ASAP2: variants seen among roughly 807,000 people sequenced by gnomAD.
ASAP2 encodes ArfGAP with SH3 domain, ankyrin repeat and PH domain 2.
Under a neutral mutation model 131.4 loss-of-function variants are expected in ASAP2, and 45 were observed. That is an observed-to-expected ratio of 0.34 (90% CI 0.27 to 0.44). The LOEUF (loss-of-function observed/expected upper bound fraction) is 0.44, where lower values mean the gene tolerates loss of function less well. ASAP2 is among the 20% of genes least tolerant of loss of function. The pLI is 1.00. For synonymous variants in ASAP2, 510 were observed against 503.0 expected, an observed-to-expected ratio of 1.01 and a Z score of -0.19; for missense variants, 1,011 against 1,297.0, an observed-to-expected ratio of 0.78 and a Z score of 3.39.
intron 15 of ASAP2, among the ~76,000 whole-genome samples, chr2:9,365,814 G>A (rs1673428652): frequency 1.3e-5 from 2 of 152,212 alleles, no homozygotes; most frequent in Admixed American, 1.3e-4. Context: ...CATAGAGCAG[G>A]AGGGTGCCTC....
intron 11 of ASAP2, among the ~76,000 whole-genome samples, chr2:9,345,415 T>C (rs1257435401): frequency 2.0e-5 from 3 of 152,132 alleles, no homozygotes; most frequent in African/African-American, 7.2e-5. Flanking sequence ...AGGATAAAGT[T>C]CCTTACCAAT....
chr2:9,362,203 G>C (rs890618021), intron 15 of ASAP2, among the ~76,000 whole-genome samples: 1 of 152,152 alleles, frequency 6.6e-6, no homozygotes, highest in Non-Finnish European at 1.5e-5. Context: ...ATGCCATGCA[G>C]GGCCTCGGCT....
chr2:9,379,003 C>G lies in ASAP2; in HGVS notation c.1892C>G (p.Thr631Ser), dbSNP rs1674619975. ...ACAGCCCTGCACTACTGCTGCCTGA[C>G]CGACAATGCCGAGTGCCTCAAGTTG... is the stretch of plus-strand genomic sequence containing the variant. ...GSTALHYCCL[T>S]DNAECLKLLL... is the part of the protein sequence containing the mutation. The change falls in exon 19 of 28, where the codon ACC becomes AGC. Residue 631 changes from threonine to serine, a missense_variant. Physicochemically the swap from Thr to Ser is moderately conservative, Grantham distance 58 (BLOSUM62 1). This residue lies in a region of ASAP2 where 652 missense variants were observed against 698.9 expected (regional missense o/e 0.93). Transcript: ENST00000281419. 1 of 1,574,438 alleles carries G rather than the reference C, an allele frequency of 6.4e-7. No individual in the cohort carries two copies. Among genetic ancestry groups the G allele is most frequent in the Admixed American group, 1.8e-5 (1 of 55,400 alleles).
Position 9,217,067 on chromosome 2 carries a change from C to T in ASAP2, c.126+9837C>T, listed in dbSNP as rs1414607746. On this transcript the variant is annotated intron_variant, in intron 1 of 27. Coordinates refer to ENST00000281419, the MANE Select transcript of ASAP2 (RefSeq NM_003887.3). The surrounding 1 kb of genome is among the most constrained non-coding windows in gnomAD (Gnocchi z 4.0). The stretch of plus-strand genomic sequence containing the variant: ...TCATGGAGCTTGGAGGTGATGAAGC[C>T]AGGATTCATTCAAATCAAGCATTTT... Among the ~76,000 whole-genome samples the T allele has an allele frequency of 3.3e-5, 5 of 152,186 alleles. No individual in the cohort carries two copies. Among genetic ancestry groups the T allele is most frequent in the African/African-American group, 4.8e-5 (2 of 41,532 alleles).
chr2:9,247,906 A>G (rs897049639), intron 1 of ASAP2, among the ~76,000 whole-genome samples: 2 of 152,098 alleles, frequency 1.3e-5, no homozygotes, highest in Non-Finnish European at 2.9e-5. Flanking sequence ...TGCCCCCCAC[A>G]CTGATAACCT....
At chr2:9,279,047 CAGCTTGCAT>C (rs1666946680) in intron 1 of ASAP2, among the ~76,000 whole-genome samples, 2 of 151,326 alleles carry the variant, frequency 1.3e-5, no homozygotes, top group Admixed American at 1.3e-4. Flanking sequence ...GGGCAGGAGA[CAGCTTGCAT>C]GCTGCAGGAG....
At chr2:9,325,255 C>G (rs1325086510) in intron 6 of ASAP2, among the ~76,000 whole-genome samples, 1 of 152,170 alleles carries the variant, frequency 6.6e-6, no homozygotes, top group Non-Finnish European at 1.5e-5. Context: ...CCTTCCTGGC[C>G]TACCTCATAG....
chr2:9,293,953 G>A (rs547447733), intron 2 of ASAP2, among the ~76,000 whole-genome samples: 1 of 152,052 alleles, frequency 6.6e-6, no homozygotes, highest in South Asian at 2.1e-4. Context: ...CCTTGGGGTT[G>A]CTGGGGATCA....
At chr2:9,254,618 C>A (rs1665030161) in intron 1 of ASAP2, among the ~76,000 whole-genome samples, 1 of 148,250 alleles carries the variant, frequency 6.7e-6, no homozygotes, top group Non-Finnish European at 1.5e-5. Context: ...AAGTGATCTA[C>A]CCACCTCAGC....
intron 1 of ASAP2, among the ~76,000 whole-genome samples, chr2:9,213,140 G>A (rs913267545): frequency 2.6e-5 from 4 of 152,244 alleles, no homozygotes; most frequent in Non-Finnish European, 2.9e-5. Flanking sequence ...ATAGAAAGTG[G>A]TTCTGGAGAT....
intron 1 of ASAP2, among the ~76,000 whole-genome samples, chr2:9,249,771 C>T (rs1226491298): frequency 2.0e-5 from 3 of 149,210 alleles, no homozygotes; most frequent in African/African-American, 7.3e-5. Context: ...ACTGCCACCC[C>T]CAGAGGAGGG....
chr2:9,284,651 CGTG>C (rs906326279), intron 2 of ASAP2, among the ~76,000 whole-genome samples: 4 of 152,150 alleles, frequency 2.6e-5, no homozygotes, highest in Admixed American at 1.3e-4. Context: ...TGGACATACA[CGTG>C]GTAAGTGTGA....
chr2:9,335,374 G>A (rs1671137359), intron 9 of ASAP2, among the ~76,000 whole-genome samples, 195 bp downstream of exon 9: 2 of 152,238 alleles, frequency 1.3e-5, no homozygotes, highest in South Asian at 4.2e-4. Context: ...ATTTCAGGAG[G>A]AAGCATTTAC....
chr2:9,355,377 T>C (rs1672627588), intron 12 of ASAP2, among the ~76,000 whole-genome samples: 1 of 152,206 alleles, frequency 6.6e-6, no homozygotes, highest in Non-Finnish European at 1.5e-5. Flanking sequence ...ATTTCTCTAG[T>C]GTTTTCTCAT....
intron 1 of ASAP2, chr2:9,271,411 A>G (rs1666385390): frequency 1.4e-6 from 2 of 1,424,988 alleles, no homozygotes; most frequent in South Asian, 1.2e-5. Context: ...TGGATGCTCA[A>G]TTACAGTACC....
intron 20 of ASAP2, among the ~76,000 whole-genome samples, chr2:9,384,624 G>A (rs1360583415): frequency 6.6e-6 from 1 of 152,222 alleles, no homozygotes; most frequent in Non-Finnish European, 1.5e-5. Flanking sequence ...AGACACTTGT[G>A]TTTACTGGTT....
intron 25 of ASAP2, among the ~76,000 whole-genome samples, 190 bp downstream of exon 25, chr2:9,400,262 CTCTTCCTCTCCTT>C: frequency 9.2e-6 from 1 of 108,560 alleles, no homozygotes; most frequent in South Asian, 3.2e-4. Flanking sequence ...CCCTCCTGCC[CTCTTCCTCTCCTT>C]CCTTCCCTCC....
chr2:9,315,296 G>A (rs1432204913), intron 3 of ASAP2, among the ~76,000 whole-genome samples: 2 of 152,220 alleles, frequency 1.3e-5, no homozygotes, highest in South Asian at 2.1e-4. Flanking sequence ...GGAAGCGGCA[G>A]CAGGGAGCAG....
chr2:9,314,922 C>CA (rs34360769), intron 3 of ASAP2, among the ~76,000 whole-genome samples: 4 of 102,334 alleles, frequency 3.9e-5, no homozygotes, highest in African/African-American at 1.5e-4. Context: ...GACTCCATCT[C>CA]AAAAAAAAAA....
Sources: gnomAD v4.1 joint callset for allele counts (sites outside exome capture counted in the v4.1 genomes callset) on GRCh38, gnomAD v4.1.1 for gene constraint, gnomAD v4.1.1 regional missense constraint, Gnocchi (gnomAD v3.1) non-coding constraint, MANE v1.5 for transcripts, NCBI Gene and HGNC (gene_info 2026-07-23, HGNC 2026-07-21) for gene names.